RAP1GAP: variants seen among roughly 807,000 people sequenced by gnomAD.
RAP1GAP encodes the protein RAP1 GTPase activating protein, also known as rap1 GTPase-activating protein 1.
A neutral mutation model predicts 87.2 loss-of-function variants in RAP1GAP; 35 were observed. The ratio of observed to expected loss-of-function variants is 0.40; its 90% CI spans 0.31 to 0.53. The LOEUF is 0.53. Ranked by LOEUF, RAP1GAP falls within the 20% of genes least tolerant of loss-of-function variation. RAP1GAP has a pLI of 0.48. For missense variants in RAP1GAP, 734 were observed against 898.9 expected (o/e 0.82, Z 2.35); for synonymous variants, 375 against 363.9 (o/e 1.03, Z -0.35).
In RAP1GAP at chr1:21,598,321, T is replaced by C; in HGVS notation, c.1879+79A>G. On this transcript the variant is annotated intron_variant, in intron 22 of 24. Coordinates refer to ENST00000374765, the MANE Select transcript of RAP1GAP (RefSeq NM_002885.4). ...CACATCACATCCACTGCATGGGGCATGGGAACTGGTGCCCAGCCCTGTCCC... is the reference window on the plus strand; with the variant it reads ...CACATCACATCCACTGCATGGGGCACGGGAACTGGTGCCCAGCCCTGTCCC... The C allele has an allele frequency of 4.6e-6, 6 of 1,295,650 alleles. No individual in the cohort carries two copies. The South Asian group carries it at 5.0e-5, about 11-fold the overall frequency. 80.3% of individuals were successfully genotyped at this position (1,295,650 alleles called of 1,614,324 possible).
rs1308102363 is a variant in RAP1GAP, at chr1:21,612,174, C to A, written c.529-65G>T. The A allele has an allele frequency of 4.6e-6, 6 of 1,310,504 alleles. No individual in the cohort carries two copies. In the East Asian group the frequency reaches 1.3e-4, roughly 28 times the overall value. 81.2% of individuals were successfully genotyped at this position (1,310,504 alleles called of 1,614,324 possible). ...AGCTGCCATTCGACGTGCTCTTCCC[C>A]CGTGCCAAGCACTGAGCCAGGCGCT... On this transcript the variant is annotated intron_variant, in intron 10 of 24. Transcript: ENST00000374765.
Position 21,611,637 on chromosome 1 carries a change from T to A in RAP1GAP, c.714-56A>T, listed in dbSNP as rs533561098. 2.3e-5 allele frequency: 37 copies of A among 1,613,540 alleles called. No individual in the cohort carries two copies. In the African/African-American group the frequency reaches 4.4e-4, roughly 19 times the overall value. ...GTCTCCAGCCCTGGCCAGGCCTCCA[T>A]GGGGCCAGGACAGGGGCTCCCTCCC... On this transcript the variant is annotated intron_variant, in intron 12 of 24. Coordinates refer to ENST00000374765, the MANE Select transcript of RAP1GAP (RefSeq NM_002885.4).
intron 5 of RAP1GAP, among the ~76,000 whole-genome samples, chr1:21,618,268 G>A (rs375084309): frequency 8.8e-4 from 134 of 152,292 alleles, no homozygotes; most frequent in African/African-American, 3.1e-3. Context: ...GTCTGGGCGG[G>A]GTCTGAGAAT....
rs561573578 is a variant in RAP1GAP at position 21,615,713 on chromosome 1, T to C, written c.291+1593A>G. Among the ~76,000 whole-genome samples, 1 of 152,312 alleles carries C rather than the reference T, an allele frequency of 6.6e-6. No homozygotes were observed. The highest frequency in any genetic ancestry group is 1.5e-5 in the Non-Finnish European group (1 of 68,026). On this transcript the variant is annotated intron_variant, in intron 7 of 24. Coordinates refer to ENST00000374765, the MANE Select transcript of RAP1GAP (RefSeq NM_002885.4). The surrounding 1 kb of genome is among the most constrained non-coding windows in gnomAD (Gnocchi z 4.5). Reference sequence around the variant, plus strand: ...AGCTGCCTCTTCTGACCCTCCAGTCTGCACTTCTTCAGAGCCTGCTGCACT... The same window carrying C: ...AGCTGCCTCTTCTGACCCTCCAGTCCGCACTTCTTCAGAGCCTGCTGCACT...
intron 1 of RAP1GAP, among the ~76,000 whole-genome samples, chr1:21,662,544 TG>T (rs2097188625): frequency 6.6e-6 from 1 of 152,078 alleles, no homozygotes; most frequent in Non-Finnish European, 1.5e-5. Flanking sequence ...CCTGGGGCAC[TG>T]GGCCCCAGGG....
rs560579740 is a variant in RAP1GAP at position 21,603,124 on chromosome 1, C to T, written c.1429-211G>A. 2.7e-5 allele frequency: 15 copies of T among 559,896 alleles called. No individual in the cohort carries two copies. The highest frequency in any genetic ancestry group is 2.5e-4 in the Admixed American group (8 of 32,160). 34.7% of individuals were successfully genotyped at this position (559,896 alleles called of 1,614,324 possible). A position where few individuals can be genotyped will look rare whatever the true frequency, so the allele number is the denominator to read the frequency against. On this transcript the variant is annotated intron_variant, in intron 18 of 24. Transcript: ENST00000374765. This position sits in a 1 kb window ranked among gnomAD's most constrained non-coding sequence, Gnocchi z 6.0. Reference sequence around the variant, plus strand: ...GGCAAGGGGCTCTCCCGAGCTCACACGGCAGGACTGCACGTCAATACTGGC... The same window carrying T: ...GGCAAGGGGCTCTCCCGAGCTCACATGGCAGGACTGCACGTCAATACTGGC...
chr1:21,628,992 A>AC (rs1435931977), intron 2 of RAP1GAP, among the ~76,000 whole-genome samples: 2 of 152,192 alleles, frequency 1.3e-5, no homozygotes, highest in East Asian at 3.9e-4. Flanking sequence ...CTACTATGTG[A>AC]CTGGGACTGC....
intron 1 of RAP1GAP, among the ~76,000 whole-genome samples, chr1:21,663,316 T>C (rs991441445): frequency 1.3e-5 from 2 of 152,186 alleles, no homozygotes; most frequent in African/African-American, 2.4e-5. Context: ...TTCAGTCCCA[T>C]GGCATCCTGA....
chr1:21,627,417 T>C (rs1277881442), intron 2 of RAP1GAP, among the ~76,000 whole-genome samples: 1 of 149,980 alleles, frequency 6.7e-6, no homozygotes, highest in Non-Finnish European at 1.5e-5. Context: ...TTCTTTTTTT[T>C]TTTTTTTTTT....
chr1:21,651,595 C>A, intron 1 of RAP1GAP: 1 of 645,516 alleles, frequency 1.5e-6, no homozygotes. Context: ...GAAACAGAAA[C>A]ACACACACAC....
At chr1:21,611,986 G>T in intron 11 of RAP1GAP, 40 bp downstream of exon 11, 1 of 1,497,876 alleles carries the variant, frequency 6.7e-7, no homozygotes. Context: ...CCAGATATGG[G>T]GCCAGGTGGG....
chr1:21,651,487 C>G (rs533644499), intron 1 of RAP1GAP: 1 of 633,202 alleles, frequency 1.6e-6, no homozygotes, highest in East Asian at 3.6e-5. Flanking sequence ...GCATAAGCGC[C>G]ACTATCATGT....
intron 1 of RAP1GAP, chr1:21,651,625 C>T: frequency 1.3e-6 from 1 of 768,652 alleles, no homozygotes; most frequent in Non-Finnish European, 2.2e-6. Flanking sequence ...AGCACGACAG[C>T]CATGCGCGCA....
chr1:21,616,959 AACC>A (rs1175643929), intron 7 of RAP1GAP, among the ~76,000 whole-genome samples: 1 of 152,204 alleles, frequency 6.6e-6, no homozygotes, highest in Non-Finnish European at 1.5e-5. Context: ...CATTACCACC[AACC>A]ACCATTTTCA....
chr1:21,664,025 T>C (rs911000791), intron 1 of RAP1GAP, among the ~76,000 whole-genome samples: 2 of 152,180 alleles, frequency 1.3e-5, no homozygotes, highest in Non-Finnish European at 2.9e-5. Flanking sequence ...CATCCTCCCA[T>C]TCCACAGATG....
At chr1:21,625,099 C>T (rs1442325746) in intron 3 of RAP1GAP, among the ~76,000 whole-genome samples, 2 of 152,230 alleles carry the variant, frequency 1.3e-5, no homozygotes, top group Non-Finnish European at 2.9e-5. Flanking sequence ...GAGTCAGTCT[C>T]AGGAATCTCC....
chr1:21,624,374 G>A (rs778583013), intron 3 of RAP1GAP, among the ~76,000 whole-genome samples: 5 of 152,350 alleles, frequency 3.3e-5, no homozygotes, highest in South Asian at 2.1e-4. Context: ...AGGTAGAGAA[G>A]AAACTGTCAC....
chr1:21,610,294 G>T lies in RAP1GAP; in HGVS notation c.844-19C>A. 6.2e-7 allele frequency: 1 copy of T among 1,613,744 alleles called. No homozygotes were observed. The highest frequency in any genetic ancestry group is 1.1e-5 in the South Asian group (1 of 91,074). On this transcript the variant is annotated intron_variant, in intron 13 of 24. Transcript: ENST00000374765. ...GCTGCAACTGAGCACAAAGCCACGG[G>T]CCTTCGTGGTCTGGCCAGAGGGGGC...
intron 2 of RAP1GAP, among the ~76,000 whole-genome samples, chr1:21,627,564 C>A (rs866174652): frequency 1.4e-4 from 21 of 152,064 alleles, no homozygotes; most frequent in Middle Eastern, 3.4e-3. Context: ...TGCAGGCATG[C>A]GCCACCATGC....
Sources: gnomAD v4.1 joint callset for allele counts (sites outside exome capture counted in the v4.1 genomes callset) on GRCh38, gnomAD v4.1.1 for gene constraint, Gnocchi (gnomAD v3.1) non-coding constraint, MANE v1.5 for transcripts, NCBI Gene and HGNC (gene_info 2026-07-23, HGNC 2026-07-21) for gene names.